ITFG1: variants seen among roughly 807,000 people sequenced by gnomAD.
ITFG1 encodes integrin alpha FG-GAP repeat containing 1.
In ITFG1, 34 loss-of-function variants were observed where a neutral mutation model predicts 81.8. The observed-to-expected ratio is 0.42, with a 90% confidence interval of 0.32 to 0.55. The LOEUF is 0.55. Ranked by LOEUF, ITFG1 falls within the 20% of genes least tolerant of loss-of-function variation. The pLI is 0.17. For synonymous variants in ITFG1, 285 were observed against 270.6 expected (o/e 1.05, Z -0.52); for missense variants, 672 against 755.4 (o/e 0.89, Z 1.29).
At chr16:47,402,341 T>C (rs1244555590) in intron 6 of ITFG1, among the ~76,000 whole-genome samples, 3 of 152,228 alleles carry the variant, frequency 2.0e-5, no homozygotes, top group East Asian at 1.9e-4. Context: ...ACTATGTGTG[T>C]ACAGGTTATG....
chr16:47,421,663 T>C (rs1326974023), intron 6 of ITFG1, among the ~76,000 whole-genome samples: 4 of 152,222 alleles, frequency 2.6e-5, no homozygotes, highest in Non-Finnish European at 5.9e-5. Flanking sequence ...TTATATTTGA[T>C]AGGTGATTAA....
At chr16:47,283,803 C>T (rs1966860014) in intron 10 of ITFG1, among the ~76,000 whole-genome samples, 1 of 152,158 alleles carries the variant, frequency 6.6e-6, no homozygotes, top group Non-Finnish European at 1.5e-5. Context: ...AATACACAAA[C>T]CAGGTTCACT....
chr16:47,233,646 AG>A (rs1645055777), intron 13 of ITFG1, among the ~76,000 whole-genome samples: 1 of 152,224 alleles, frequency 6.6e-6, no homozygotes, highest in Non-Finnish European at 1.5e-5. Context: ...GTTTAACAAA[AG>A]CCTAACTGAC....
intron 3 of ITFG1, among the ~76,000 whole-genome samples, chr16:47,453,639 T>C (rs1969416064): frequency 1.3e-5 from 2 of 152,234 alleles, no homozygotes; most frequent in Non-Finnish European, 2.9e-5. Context: ...CACAGCATCA[T>C]TCTGGCAGCA....
chr16:47,169,094 T>C (rs1210399648), intron 14 of ITFG1, among the ~76,000 whole-genome samples: 1 of 152,232 alleles, frequency 6.6e-6, no homozygotes, highest in Admixed American at 6.5e-5. Flanking sequence ...ATGTCTGTCT[T>C]TTTGCCAGCA....
intron 12 of ITFG1, among the ~76,000 whole-genome samples, chr16:47,250,191 ATT>A (rs1393333157): frequency 2.0e-5 from 3 of 152,102 alleles, no homozygotes; most frequent in Non-Finnish European, 2.9e-5. Context: ...TCTATGGAAG[ATT>A]TTTTGGTCTG....
chr16:47,226,037 A>G (rs1383172431), intron 13 of ITFG1, among the ~76,000 whole-genome samples: 4 of 152,234 alleles, frequency 2.6e-5, no homozygotes, highest in African/African-American at 9.6e-5. Flanking sequence ...TAATGCTTGA[A>G]GATGTAATTT....
At chr16:47,214,924 A>C (rs113085208) in intron 14 of ITFG1, among the ~76,000 whole-genome samples, 1 of 48,632 alleles carries the variant, frequency 2.1e-5, no homozygotes. Flanking sequence ...GTGTGAAAAC[A>C]CACACACACA....
At chr16:47,159,065 G>T in intron 16 of ITFG1, 75 bp from the exon 17 acceptor site, 1 of 627,432 alleles carries the variant, frequency 1.6e-6, no homozygotes, top group Non-Finnish European at 2.6e-6. Flanking sequence ...AGACCCCAAA[G>T]CAAAATAGCT....
chr16:47,243,272 G>T (rs568286854), intron 12 of ITFG1, among the ~76,000 whole-genome samples: 1 of 152,152 alleles, frequency 6.6e-6, no homozygotes, highest in Admixed American at 6.5e-5. Context: ...ATACAAAGTG[G>T]TTGTCTCTGG....
intron 8 of ITFG1, among the ~76,000 whole-genome samples, chr16:47,331,187 C>T (rs1028610676): frequency 6.6e-6 from 1 of 152,064 alleles, no homozygotes; most frequent in African/African-American, 2.4e-5. Flanking sequence ...CAGCTGGAGG[C>T]CATTATCCTA....
chr16:47,217,795 G>A (rs1965642768), intron 14 of ITFG1, among the ~76,000 whole-genome samples: 1 of 152,046 alleles, frequency 6.6e-6, no homozygotes, highest in African/African-American at 2.4e-5. Flanking sequence ...TGTAGTGGCG[G>A]GCACCTGTGG....
At chr16:47,348,795 C>A (rs998531706) in intron 8 of ITFG1, among the ~76,000 whole-genome samples, 1 of 152,124 alleles carries the variant, frequency 6.6e-6, no homozygotes, top group Non-Finnish European at 1.5e-5. Context: ...AAAAAATGTT[C>A]AGGACAGCCA....
At chr16:47,451,298 T>G (rs916440917) in intron 5 of ITFG1, 98 bp downstream of exon 5, 1 of 671,768 alleles carries the variant, frequency 1.5e-6, no homozygotes. Context: ...CTTAAAAATC[T>G]TTAAAAACAA....
At chr16:47,217,558 T>C (rs1204997193) in intron 14 of ITFG1, among the ~76,000 whole-genome samples, 1 of 152,208 alleles carries the variant, frequency 6.6e-6, no homozygotes, top group African/African-American at 2.4e-5. Flanking sequence ...ATTAAAAACA[T>C]AAAGAAGTAA....
chr16:47,272,621 C>A (rs1966355041), intron 10 of ITFG1, among the ~76,000 whole-genome samples: 2 of 152,064 alleles, frequency 1.3e-5, no homozygotes, highest in Admixed American at 1.3e-4. Flanking sequence ...GTCTCGAACT[C>A]CTGACTTCAA....
chr16:47,181,671 T>G (rs1193572905), intron 14 of ITFG1, among the ~76,000 whole-genome samples: 1 of 151,968 alleles, frequency 6.6e-6, no homozygotes, highest in African/African-American at 2.4e-5. Flanking sequence ...CACCACCCCA[T>G]CTGGGAGGTG....
At chr16:47,452,712 A>C in intron 4 of ITFG1, 21 bp downstream of exon 4, 1 of 1,521,828 alleles carries the variant, frequency 6.6e-7, no homozygotes, top group Non-Finnish European at 9.0e-7. Flanking sequence ...ATCGTTTCAA[A>C]GGAAGCAAGC....
At chr16:47,260,303 T>C (rs1223706291) in intron 11 of ITFG1, among the ~76,000 whole-genome samples, 3 of 152,188 alleles carry the variant, frequency 2.0e-5, no homozygotes, top group African/African-American at 7.2e-5. Context: ...GATGCTTTAG[T>C]GGTTTAATCC....
Sources: allele counts gnomAD v4.1 joint callset (sites outside exome capture counted in the v4.1 genomes callset), GRCh38; gene constraint gnomAD v4.1.1; transcripts MANE v1.5; gene names NCBI Gene and HGNC (gene_info 2026-07-23, HGNC 2026-07-21).